SHROOM2: variants seen among roughly 807,000 people sequenced by gnomAD.
SHROOM2 encodes the protein protein Shroom2.
Under a neutral mutation model 75.9 loss-of-function variants are expected in SHROOM2, and 33 were observed. That is an observed-to-expected ratio of 0.43 (90% CI 0.33 to 0.58). SHROOM2 has a LOEUF of 0.58. Among genes scored for constraint, SHROOM2 ranks in the 20% least tolerant of loss-of-function variants. SHROOM2 has a pLI of 0.04. For missense variants in SHROOM2, 1,434 were observed against 1,461.2 expected (o/e 0.98, Z 0.30); for synonymous variants, 655 against 663.6 (o/e 0.99, Z 0.20).
intron 1 of SHROOM2, among the ~76,000 whole-genome samples, chrX:9,805,468 G>C (rs1478731634): frequency 8.9e-6 from 1 of 112,226 alleles, no homozygotes; most frequent in Non-Finnish European, 1.9e-5. Context: ...GCCGGGTGTG[G>C]TGGCTCACGC....
At chrX:9,799,822 CTCT>C in intron 1 of SHROOM2, among the ~76,000 whole-genome samples, 1 of 111,067 alleles carries the variant, frequency 9.0e-6, no homozygotes, top group East Asian at 2.8e-4. Flanking sequence ...GCCTCAACTT[CTCT>C]TCTTTTTTTA....
chrX:9,818,728 G>T, intron 1 of SHROOM2: 1 of 451,524 alleles, frequency 2.2e-6, no homozygotes, highest in Non-Finnish European at 4.0e-6. Flanking sequence ...TTCTGCTTCA[G>T]TAACAATTTC....
At chrX:9,788,107 T>G (rs2083626654) in intron 1 of SHROOM2, among the ~76,000 whole-genome samples, 1 of 109,578 alleles carries the variant, frequency 9.1e-6, no homozygotes, top group Non-Finnish European at 1.9e-5. Context: ...AACGGGGAGT[T>G]TCACCATTTT....
chrX:9,836,255 CT>C (rs1307571202), intron 1 of SHROOM2, among the ~76,000 whole-genome samples: 2 of 112,211 alleles, frequency 1.8e-5, no homozygotes, highest in African/African-American at 6.5e-5. Flanking sequence ...GTGGACCATG[CT>C]CAGCCTCAGT....
At chrX:9,816,868 T>C (rs1041539575) in intron 1 of SHROOM2, among the ~76,000 whole-genome samples, 2 of 112,123 alleles carry the variant, frequency 1.8e-5, no homozygotes, top group Middle Eastern at 4.6e-3. Context: ...ACCCGTGCTA[T>C]AGGGGGATCC....
intron 1 of SHROOM2, among the ~76,000 whole-genome samples, chrX:9,833,397 A>G (rs886724070): frequency 8.9e-6 from 1 of 111,910 alleles, no homozygotes; most frequent in African/African-American, 3.3e-5. Context: ...CTCCTAGGTC[A>G]TCATGAAGAA....
chrX:9,837,490 G>A (rs939403370), intron 1 of SHROOM2, among the ~76,000 whole-genome samples: 3 of 112,287 alleles, frequency 2.7e-5, no homozygotes, highest in African/African-American at 6.5e-5. Flanking sequence ...ATGATGAAAC[G>A]TGTGGTGTGC....
intron 2 of SHROOM2, among the ~76,000 whole-genome samples, chrX:9,874,872 C>G (rs1025897783): frequency 9.3e-6 from 1 of 107,382 alleles, no homozygotes; most frequent in Non-Finnish European, 1.9e-5. Context: ...GGAGTTCAAT[C>G]GAGACCAGCC....
intron 3 of SHROOM2, 87 bp from the exon 4 acceptor site, chrX:9,894,271 A>T: frequency 1.1e-6 from 1 of 924,389 alleles, no homozygotes; most frequent in Non-Finnish European, 1.5e-6. Flanking sequence ...GTATTTCCAC[A>T]GAGGGTCAGC....
chrX:9,902,815 C>T (rs1358630414), intron 5 of SHROOM2, among the ~76,000 whole-genome samples: 1 of 111,593 alleles, frequency 9.0e-6, no homozygotes, highest in Non-Finnish European at 1.9e-5. Context: ...GCTGTGGGTG[C>T]TGGCAGTGTC....
intron 8 of SHROOM2, among the ~76,000 whole-genome samples, chrX:9,940,102 T>A (rs2084756001): frequency 8.9e-6 from 1 of 112,362 alleles, no homozygotes; most frequent in Non-Finnish European, 1.9e-5. Context: ...ACTTTTTGGT[T>A]CAAGGTATTA....
intron 1 of SHROOM2, among the ~76,000 whole-genome samples, chrX:9,814,253 C>G (rs953072171): frequency 9.0e-6 from 1 of 111,351 alleles, no homozygotes; most frequent in African/African-American, 3.3e-5. Flanking sequence ...AGCAAATAAA[C>G]TCTTAGAACC....
intron 1 of SHROOM2, among the ~76,000 whole-genome samples, chrX:9,790,044 T>C (rs2083639030): frequency 8.9e-6 from 1 of 112,292 alleles, no homozygotes; most frequent in Non-Finnish European, 1.9e-5. Flanking sequence ...AGACAGAGCT[T>C]TGAAATGTCC....
intron 1 of SHROOM2, among the ~76,000 whole-genome samples, chrX:9,823,042 C>G (rs2083863434): frequency 7.2e-5 from 2 of 27,843 alleles, no homozygotes; most frequent in African/African-American, 2.3e-4. Context: ...CCTCCTCCTC[C>G]TCCTCCTCCT....
In SHROOM2 at chrX:9,807,445, C is replaced by T. The variant is rs776473976; in HGVS notation, c.165+20735C>T. ...AGGGGACCTGTTGGGAGGCCGGCAG[C>T]CCTGGGAGACAGGAACAGGCTTCAG... On this transcript the variant is annotated intron_variant, in intron 1 of 9. Coordinates refer to ENST00000380913, the MANE Select transcript of SHROOM2 (RefSeq NM_001649.4). Among the ~76,000 whole-genome samples, 46 of 111,965 alleles carry T rather than the reference C, an allele frequency of 4.1e-4. 1 individual carries two copies. Among genetic ancestry groups the T allele is most frequent in the Admixed American group, 1.1e-3 (12 of 10,577 alleles).
chrX:9,791,331 C>G (rs1420905187), intron 1 of SHROOM2, among the ~76,000 whole-genome samples: 1 of 110,924 alleles, frequency 9.0e-6, no homozygotes, highest in African/African-American at 3.3e-5. Context: ...CTTTGGAAAG[C>G]ATTTTGGAGT....
At chrX:9,945,916 A>ATTTT (rs2084814298) in intron 9 of SHROOM2, among the ~76,000 whole-genome samples, 1 of 112,918 alleles carries the variant, frequency 8.9e-6, no homozygotes, top group African/African-American at 3.2e-5. Flanking sequence ...CATGAATAAA[A>ATTTT]CATCTTAACC....
In SHROOM2 at chrX:9,896,166, G is replaced by A. The variant is rs757507805; in HGVS notation, c.2258G>A (p.Arg753Gln). The A allele has an allele frequency of 2.1e-5, 25 of 1,208,736 alleles. 1 individual carries two copies. The Admixed American group carries it at 2.6e-4, about 13-fold the overall frequency. Residue 753 changes from arginine (R) to glutamine (Q), a missense_variant, in exon 4 of 10, where the codon CGG (arginine) becomes CAG (glutamine). By Grantham distance (43) the Arg-to-Gln change is conservative. Coordinates refer to ENST00000380913, the MANE Select transcript of SHROOM2 (RefSeq NM_001649.4). Reference sequence around the variant, plus strand: ...CCGCCCCGCATCGGAGGCCGGAGACGGTTCACAGCTGAGCAGAAATTGAAG... The same window carrying A: ...CCGCCCCGCATCGGAGGCCGGAGACAGTTCACAGCTGAGCAGAAATTGAAG... Reference protein sequence around the residue: ...PHPPRIGGRRRFTAEQKLKSY... With the variant: ...PHPPRIGGRRQFTAEQKLKSY...
chrX:9,813,312 C>G (rs2083801851), intron 1 of SHROOM2, among the ~76,000 whole-genome samples: 1 of 110,728 alleles, frequency 9.0e-6, no homozygotes, highest in South Asian at 3.9e-4. Context: ...GTCTGGGGAC[C>G]CACTGTAAGT....
Sources: allele counts gnomAD v4.1 joint callset (sites outside exome capture counted in the v4.1 genomes callset), GRCh38; gene constraint gnomAD v4.1.1; transcripts MANE v1.5; gene names NCBI Gene and HGNC (gene_info 2026-07-23, HGNC 2026-07-21).